STAMBPL1: variants seen among roughly 807,000 people sequenced by gnomAD.
STAMBPL1 encodes the protein STAM binding protein like 1, also known as AMSH-like protease.
A neutral mutation model predicts 52.9 loss-of-function variants in STAMBPL1; 44 were observed. That is an observed-to-expected ratio of 0.83 (90% CI 0.65 to 1.07). STAMBPL1 has a LOEUF of 1.07. Ranked by LOEUF, STAMBPL1 falls within the 50% of genes least tolerant of loss-of-function variation. The pLI, the probability that STAMBPL1 is intolerant of heterozygous loss-of-function variation, is 0.00. For missense variants in STAMBPL1, 511 were observed against 520.8 expected (o/e 0.98, Z 0.18); for synonymous variants, 164 against 177.3 (o/e 0.92, Z 0.60).
intron 8 of STAMBPL1, among the ~76,000 whole-genome samples, chr10:88,919,858 C>T (rs1404432355): frequency 2.0e-5 from 3 of 149,952 alleles, no homozygotes; most frequent in Admixed American, 2.0e-4. Flanking sequence ...TTTTTCAAGA[C>T]AGGATCTTGC....
intron 4 of STAMBPL1, 140 bp downstream of exon 4, chr10:88,908,917 C>T (rs963063774): frequency 2.4e-5 from 16 of 657,270 alleles, no homozygotes; most frequent in Admixed American, 3.7e-5. Context: ...TATGATGTTT[C>T]GATTTTTTCT....
intron 1 of STAMBPL1, among the ~76,000 whole-genome samples, chr10:88,891,558 G>A (rs1285422628): frequency 6.6e-6 from 1 of 152,126 alleles, no homozygotes; most frequent in East Asian, 1.9e-4. Flanking sequence ...AAACCTGACC[G>A]ATATAACTTA....
At chr10:88,896,843 C>A (rs568026078) in intron 1 of STAMBPL1, among the ~76,000 whole-genome samples, 157 of 151,208 alleles carry the variant, frequency 1.0e-3, no homozygotes, top group Admixed American at 1.8e-3. Flanking sequence ...CACACAAACA[C>A]ACACATACAT....
At chr10:88,906,480 ATTAT>A (rs1845077937) in intron 3 of STAMBPL1, among the ~76,000 whole-genome samples, 2 of 152,090 alleles carry the variant, frequency 1.3e-5, no homozygotes, top group South Asian at 4.1e-4. Flanking sequence ...TTGCTAGCTT[ATTAT>A]TTATTAATTT....
At chr10:88,883,105 C>T (rs759609285) in intron 1 of STAMBPL1, among the ~76,000 whole-genome samples, 7 of 148,500 alleles carry the variant, frequency 4.7e-5, no homozygotes, top group South Asian at 4.3e-4. Flanking sequence ...TGAGAACATG[C>T]GGTGTTTGGT....
In STAMBPL1 at chr10:88,916,767, T is replaced by A; in HGVS notation, c.991T>A (p.Leu331Ile). 1 of 1,610,004 alleles carries A rather than the reference T, an allele frequency of 6.2e-7. No individual in the cohort carries two copies. The highest frequency in any genetic ancestry group is 8.5e-7 in the Non-Finnish European group (1 of 1,178,212). ...TTGTGACATGGAGAATGTAGAGGAA[T>A]TATTCAATGTTCAGGATCAACATGA... ...DYCDMENVEE[L>I]FNVQDQHDLL... The change falls in exon 8 of 11, where the codon TTA becomes ATA. Residue 331 changes from leucine to isoleucine, a missense_variant. Leu to Ile is a conservative substitution (Grantham distance 5). Transcript: ENST00000371926.
chr10:88,900,740 C>T (rs1844924335), intron 1 of STAMBPL1, among the ~76,000 whole-genome samples: 1 of 152,166 alleles, frequency 6.6e-6, no homozygotes, highest in African/African-American at 2.4e-5. Flanking sequence ...AAATTAAAGG[C>T]TTAAATATAC....
chr10:88,881,542 T>C (rs1018406454), intron 1 of STAMBPL1, among the ~76,000 whole-genome samples: 4 of 152,172 alleles, frequency 2.6e-5, no homozygotes, highest in African/African-American at 9.7e-5. Flanking sequence ...CATGAAGTCC[T>C]GGATTTTAAG....
chr10:88,910,318 T>C (rs996676774), intron 4 of STAMBPL1, among the ~76,000 whole-genome samples: 2 of 151,968 alleles, frequency 1.3e-5, no homozygotes, highest in African/African-American at 2.4e-5. Flanking sequence ...AAAGAAGAGG[T>C]AGTTGGACTA....
intron 4 of STAMBPL1, among the ~76,000 whole-genome samples, 192 bp from the exon 5 acceptor site, chr10:88,910,724 A>G (rs1845200524): frequency 6.6e-6 from 1 of 152,196 alleles, no homozygotes; most frequent in Non-Finnish European, 1.5e-5. Context: ...CAAAAGGGAT[A>G]ATAGTGTTTC....
intron 1 of STAMBPL1, among the ~76,000 whole-genome samples, chr10:88,889,646 T>C (rs1229023265): frequency 6.6e-6 from 1 of 152,222 alleles, no homozygotes; most frequent in East Asian, 1.9e-4. Context: ...AAAATAATTT[T>C]AGACTTTCAA....
chr10:88,916,618 T>A (rs772275351), intron 7 of STAMBPL1, 62 bp from the exon 8 acceptor site: 73 of 1,509,586 alleles, frequency 4.8e-5, no homozygotes, highest in Middle Eastern at 2.0e-4. Context: ...TTTCATTTCC[T>A]GTTCAGTTAT....
chr10:88,897,780 G>C (rs1434835000), intron 1 of STAMBPL1, among the ~76,000 whole-genome samples: 5 of 152,202 alleles, frequency 3.3e-5, no homozygotes, highest in African/African-American at 9.7e-5. Flanking sequence ...CACTCCAAAG[G>C]CTGTTTGCAC....
intron 1 of STAMBPL1, among the ~76,000 whole-genome samples, chr10:88,889,665 G>A (rs1844627970): frequency 6.6e-6 from 1 of 152,042 alleles, no homozygotes; most frequent in African/African-American, 2.4e-5. Flanking sequence ...AAAAGATTGT[G>A]GAAACAGTAC....
At chr10:88,921,879 C>G (rs1462010249) in intron 9 of STAMBPL1, among the ~76,000 whole-genome samples, 3 of 152,154 alleles carry the variant, frequency 2.0e-5, no homozygotes, top group Admixed American at 6.6e-5. Context: ...ATCCCTGATA[C>G]CTGCCCATCG....
At chr10:88,917,069 A>G (rs943925837) in intron 8 of STAMBPL1, among the ~76,000 whole-genome samples, 5 of 152,152 alleles carry the variant, frequency 3.3e-5, no homozygotes, top group African/African-American at 1.2e-4. Context: ...CTGGATTTGG[A>G]GAACGTGTAT....
intron 8 of STAMBPL1, among the ~76,000 whole-genome samples, chr10:88,920,582 T>G (rs959166033): frequency 6.6e-6 from 1 of 152,224 alleles, no homozygotes; most frequent in Non-Finnish European, 1.5e-5. Flanking sequence ...ATTTTTTATA[T>G]TCAAATATGA....
intron 3 of STAMBPL1, among the ~76,000 whole-genome samples, chr10:88,906,145 A>G (rs1326059585): frequency 6.7e-6 from 1 of 150,192 alleles, no homozygotes; most frequent in African/African-American, 2.5e-5. Flanking sequence ...GGTTCAGGAA[A>G]CTCATTCAAG....
Position 88,910,959 on chromosome 10 carries a change from A to C in STAMBPL1, c.368A>C (p.Asn123Thr). The change falls in exon 5 of 11, where the codon AAC (asparagine) becomes ACC (threonine). Residue 123 changes from asparagine (N) to threonine (T), a missense_variant. Around this residue, in one of 3 missense-constraint regions of STAMBPL1, gnomAD observed 358 missense variants for 343.5 expected, o/e 1.04. Transcript: ENST00000371926. The part of the protein sequence containing the change: ...IAFPRTDELK[N>T]DLLKKYNVEY... Reference sequence around the variant, plus strand: ...TTCCCAAGGACAGATGAATTGAAAAACGACCTTTTAAAGAAATATAACGTA... The same window carrying C: ...TTCCCAAGGACAGATGAATTGAAAACCGACCTTTTAAAGAAATATAACGTA... 6.3e-7 allele frequency: 1 copy of C among 1,599,716 alleles called. No homozygotes were observed. Among genetic ancestry groups the C allele is most frequent in the South Asian group, 1.2e-5 (1 of 86,354 alleles).
Sources: gnomAD v4.1 joint callset for allele counts (sites outside exome capture counted in the v4.1 genomes callset) on GRCh38, gnomAD v4.1.1 for gene constraint, gnomAD v4.1.1 regional missense constraint, MANE v1.5 for transcripts, NCBI Gene and HGNC (gene_info 2026-07-23, HGNC 2026-07-21) for gene names.